The following CDK15 variants were observed in gnomAD, a reference collection of about 807,000 sequenced individuals.
CDK15 encodes the protein cyclin dependent kinase 15.
In CDK15, 62 loss-of-function variants were observed where a neutral mutation model predicts 60.3. The observed-to-expected ratio is 1.03, with a 90% CI of 0.84 to 1.27. The LOEUF (loss-of-function observed/expected upper bound fraction) is 1.27. CDK15 is among the 50% of genes most tolerant of loss of function. CDK15 has a pLI of 0.00. For synonymous variants in CDK15, 194 were observed against 195.7 expected (o/e 0.99, Z 0.07); for missense variants, 541 against 527.8 (o/e 1.03, Z -0.25).
At chr2:201,837,535 G>T (rs1697184136) in intron 8 of CDK15, among the ~76,000 whole-genome samples, 1 of 151,272 alleles carries the variant, frequency 6.6e-6, no homozygotes, top group African/African-American at 2.4e-5. Flanking sequence ...ATCCAGATAG[G>T]TGCTATCAAG....
intron 10 of CDK15, among the ~76,000 whole-genome samples, chr2:201,869,523 T>C (rs11894621): frequency 0.076 from 11,372 of 150,050 alleles, 1,439 homozygotes; most frequent in African/African-American, 0.26. Context: ...GAACTTAAAG[T>C]ACAATAATGA....
intron 4 of CDK15, 35 bp downstream of exon 4, chr2:201,812,597 T>A: frequency 6.9e-7 from 1 of 1,439,442 alleles, no homozygotes; most frequent in Non-Finnish European, 9.7e-7. Context: ...ATAGATCTGT[T>A]TTGAGTCCTT....
At chr2:201,841,476 C>T (rs1221505535) in intron 8 of CDK15, among the ~76,000 whole-genome samples, 1 of 152,208 alleles carries the variant, frequency 6.6e-6, no homozygotes, top group East Asian at 1.9e-4. Context: ...GGTATTTACA[C>T]TGAGATCCCT....
rs201753010 is a variant in CDK15, at chr2:201,807,840, C to A, written c.274-18C>A. On this transcript the variant is annotated intron_variant, in intron 2 of 13. Coordinates refer to ENST00000652192, the MANE Select transcript of CDK15 (RefSeq NM_001366386.2). ...TCTTCCCTTTCACCCGCTCCTTTTC[C>A]CCATTCCCCTAGAGCAGAGGAAGAG... 7 of 1,595,016 alleles carry A rather than the reference C, an allele frequency of 4.4e-6. No individual in the cohort carries two copies. In the East Asian group the frequency reaches 1.6e-4, roughly 36 times the overall value.
At chr2:201,864,028 A>G (rs1387731845) in intron 10 of CDK15, among the ~76,000 whole-genome samples, 2 of 152,218 alleles carry the variant, frequency 1.3e-5, no homozygotes, top group African/African-American at 4.8e-5. Context: ...TCATCCAACC[A>G]TCTACTTCTT....
At chr2:201,838,722 T>A (rs1697234546) in intron 8 of CDK15, among the ~76,000 whole-genome samples, 1 of 152,156 alleles carries the variant, frequency 6.6e-6, no homozygotes, top group African/African-American at 2.4e-5. Context: ...AGAAGCTTAA[T>A]AACGTGAACT....
At chr2:201,822,235 C>T (rs184943058) in intron 4 of CDK15, among the ~76,000 whole-genome samples, 1 of 152,346 alleles carries the variant, frequency 6.6e-6, no homozygotes, top group African/African-American at 2.4e-5. Context: ...CACATTTTCT[C>T]CTTTCCACAG....
chr2:201,838,393 C>T (rs542602371), intron 8 of CDK15, among the ~76,000 whole-genome samples: 7 of 152,014 alleles, frequency 4.6e-5, no homozygotes, highest in Admixed American at 2.0e-4. Flanking sequence ...TTAAGAAAGC[C>T]GATGTAGGTT....
At chr2:201,861,397 A>T (rs1265713064) in intron 10 of CDK15, 13 of 985,300 alleles carry the variant, frequency 1.3e-5, no homozygotes, top group Non-Finnish European at 1.6e-5. Context: ...CTGCATCCAA[A>T]CCTTGTTCTC....
chr2:201,877,562 CCT>C (rs1384678558), intron 11 of CDK15, among the ~76,000 whole-genome samples: 3 of 152,168 alleles, frequency 2.0e-5, no homozygotes, highest in African/African-American at 2.4e-5. Context: ...TGAGATTTCC[CCT>C]GAGTCTCCTT....
chr2:201,820,743 C>A (rs1333711763), intron 4 of CDK15, among the ~76,000 whole-genome samples: 2 of 152,130 alleles, frequency 1.3e-5, no homozygotes, highest in African/African-American at 4.8e-5. Context: ...TCCCTCAATT[C>A]CCATGTGGCC....
intron 6 of CDK15, among the ~76,000 whole-genome samples, chr2:201,833,626 A>C (rs1431615709): frequency 1.3e-5 from 2 of 152,028 alleles, no homozygotes; most frequent in Non-Finnish European, 2.9e-5. Flanking sequence ...GAAAAGCCAG[A>C]ATCCCTTTGT....
chr2:201,884,204 T>A (rs1699378242), intron 12 of CDK15, among the ~76,000 whole-genome samples: 1 of 152,242 alleles, frequency 6.6e-6, no homozygotes, highest in Non-Finnish European at 1.5e-5. Context: ...TCTCTCTCTC[T>A]CTGGGTTGGT....
At chr2:201,871,894 C>G (rs79171968) in intron 10 of CDK15, among the ~76,000 whole-genome samples, 2 of 151,972 alleles carry the variant, frequency 1.3e-5, no homozygotes, top group Admixed American at 6.6e-5. Flanking sequence ...CCTTCTCTGA[C>G]GCACGTCTAT....
intron 10 of CDK15, among the ~76,000 whole-genome samples, chr2:201,867,331 G>A (rs1174611101): frequency 1.1e-4 from 17 of 152,114 alleles, no homozygotes; most frequent in Admixed American, 1.0e-3. Flanking sequence ...GACCATTGAA[G>A]ACATAATAAC....
chr2:201,859,404 T>C (rs976494230), intron 10 of CDK15, among the ~76,000 whole-genome samples: 2 of 152,114 alleles, frequency 1.3e-5, no homozygotes, highest in South Asian at 4.2e-4. Flanking sequence ...CCCACGAAAA[T>C]GCACTCAGGA....
intron 12 of CDK15, among the ~76,000 whole-genome samples, chr2:201,884,953 T>G (rs1699405648): frequency 6.6e-6 from 1 of 152,132 alleles, no homozygotes; most frequent in South Asian, 2.1e-4. Flanking sequence ...GTGCTCTAAG[T>G]GTTTGAAGGA....
At chr2:201,889,179 C>T in intron 12 of CDK15, 1 of 985,360 alleles carries the variant, frequency 1.0e-6, no homozygotes, top group Non-Finnish European at 1.2e-6. Context: ...TTCCAGCAAA[C>T]AGTATTATTT....
chr2:201,878,869 T>C (rs1699175904), intron 11 of CDK15, among the ~76,000 whole-genome samples: 1 of 152,186 alleles, frequency 6.6e-6, no homozygotes. Flanking sequence ...CCTCCCAAAG[T>C]TCCCATTTTC....
Sources: allele counts gnomAD v4.1 joint callset (sites outside exome capture counted in the v4.1 genomes callset), GRCh38; gene constraint gnomAD v4.1.1; transcripts MANE v1.5; gene names NCBI Gene and HGNC (gene_info 2026-07-23, HGNC 2026-07-21).